Variants in CUL1 observed in about 807,000 individuals in gnomAD.
CUL1 encodes the protein cullin 1, also known as cullin-1.
In CUL1, 24 loss-of-function variants were observed where a neutral mutation model predicts 118.0. That is an observed-to-expected ratio of 0.20 (90% CI 0.15 to 0.29). CUL1 has a LOEUF of 0.29. Among genes scored for constraint, CUL1 ranks in the 10% least tolerant of loss-of-function variants. The probability of loss-of-function intolerance (pLI) is 1.00; values close to 1 mark genes in which losing one functional copy is unlikely to be tolerated. For missense variants in CUL1, 361 were observed against 933.8 expected (o/e 0.39, Z 7.99); for synonymous variants, 332 against 340.4 (o/e 0.98, Z 0.27).
chr7:148,785,416 T>C (rs1364220755), intron 11 of CUL1, among the ~76,000 whole-genome samples: 1 of 152,020 alleles, frequency 6.6e-6, no homozygotes, highest in Non-Finnish European at 1.5e-5. Context: ...TGGAGTGCAG[T>C]GGCACAATCT....
At chr7:148,778,279 T>C (rs1430047300) in intron 9 of CUL1, among the ~76,000 whole-genome samples, 1 of 152,000 alleles carries the variant, frequency 6.6e-6, no homozygotes, top group Non-Finnish European at 1.5e-5. Flanking sequence ...TAAATGATTT[T>C]TGAGATCTAA....
At chr7:148,788,893 A>G (rs138651453) in intron 14 of CUL1, among the ~76,000 whole-genome samples, 248 of 152,314 alleles carry the variant, frequency 1.6e-3, no homozygotes, top group Middle Eastern at 6.8e-3. Flanking sequence ...TACTGGGGCA[A>G]GGTCACCACC....
intron 2 of CUL1, among the ~76,000 whole-genome samples, chr7:148,730,916 A>G (rs1159315240): frequency 6.6e-6 from 1 of 152,156 alleles, no homozygotes; most frequent in African/African-American, 2.4e-5. Flanking sequence ...CACTCAAGCA[A>G]TCCTCCCATC....
chr7:148,797,384 A>G (rs377346546), intron 17 of CUL1, among the ~76,000 whole-genome samples: 2 of 126,394 alleles, frequency 1.6e-5, no homozygotes, highest in African/African-American at 6.6e-5. Context: ...TTTGAGCACC[A>G]ACATGATGCT....
chr7:148,775,773 C>A (rs1800373364), intron 9 of CUL1, among the ~76,000 whole-genome samples: 1 of 151,716 alleles, frequency 6.6e-6, no homozygotes, highest in Non-Finnish European at 1.5e-5. Flanking sequence ...ATTCGTATGA[C>A]CTTGCCTTAA....
At chr7:148,753,907 G>T (rs546357959) in intron 2 of CUL1, 69 bp from the exon 3 acceptor site, 2 of 1,227,434 alleles carry the variant, frequency 1.6e-6, no homozygotes, top group South Asian at 3.3e-5. Flanking sequence ...TGAAATATAA[G>T]AAAATATGTT....
At chr7:148,759,870 ATTATT>A (rs1032198011) in intron 6 of CUL1, among the ~76,000 whole-genome samples, 66 of 152,270 alleles carry the variant, frequency 4.3e-4, no homozygotes, top group African/African-American at 1.4e-3. Flanking sequence ...AGACATTTTG[ATTATT>A]TTCTTTTCTG....
At chr7:148,745,092 G>T (rs1160373644) in intron 2 of CUL1, among the ~76,000 whole-genome samples, 3 of 151,734 alleles carry the variant, frequency 2.0e-5, no homozygotes, top group Non-Finnish European at 2.9e-5. Flanking sequence ...GATCGTTTCT[G>T]TTGGTCTCTG....
chr7:148,752,797 T>C (rs900019239), intron 2 of CUL1, among the ~76,000 whole-genome samples: 1 of 152,064 alleles, frequency 6.6e-6, no homozygotes, highest in Non-Finnish European at 1.5e-5. Context: ...TACAGGCGCC[T>C]GCCACCACGC....
rs1486845338 is a variant in CUL1 at position 148,766,787 on chromosome 7, GA to G, written c.952+65del. The G allele has an allele frequency of 2.2e-6, 3 of 1,381,052 alleles. No individual in the cohort carries two copies. The African/African-American group carries it at 4.4e-5, about 20-fold the overall frequency. The allele number at this position is 1,381,052 out of a possible 1,614,324, so 85.5% of individuals were successfully genotyped here. ...TATCTGTAGTTTTGATATTGCTTTT[GA>G]TTCTAGACTCTCGAGTCAACGGCAT... is the stretch of plus-strand genomic sequence containing the variant. On this transcript the variant is annotated intron_variant, in intron 8 of 21. Transcript: ENST00000325222.
At chr7:148,723,703 T>G (rs1798469962) in intron 1 of CUL1, among the ~76,000 whole-genome samples, 1 of 149,788 alleles carries the variant, frequency 6.7e-6, no homozygotes, top group Non-Finnish European at 1.5e-5. Flanking sequence ...TGAAGTGAGG[T>G]ATATCATTTT....
intron 2 of CUL1, among the ~76,000 whole-genome samples, chr7:148,753,356 A>G (rs1799553787): frequency 6.6e-6 from 1 of 152,140 alleles, no homozygotes; most frequent in African/African-American, 2.4e-5. Flanking sequence ...CCATCTTCTC[A>G]TTCTCTGCGC....
chr7:148,792,848 C>A, intron 17 of CUL1, 30 bp downstream of exon 17: 1 of 1,514,018 alleles, frequency 6.6e-7, no homozygotes, highest in Non-Finnish European at 9.1e-7. Flanking sequence ...GTTGTTCTAT[C>A]AGCTTGCCGT....
At chr7:148,698,076 G>A (rs1344805274), upstream of CUL1, 4 of 152,246 alleles carry the variant, frequency 2.6e-5, no homozygotes, top group African/African-American at 9.6e-5. Flanking sequence ...TATCTTAGAA[G>A]TGATTTTTAA....
At chr7:148,727,176 A>G (rs1243918716) in intron 1 of CUL1, among the ~76,000 whole-genome samples, 1 of 152,310 alleles carries the variant, frequency 6.6e-6, no homozygotes, top group East Asian at 1.9e-4. Context: ...AAAATCCTGT[A>G]ATTTTCGTAA....
chr7:148,757,561 G>C (rs571995164), intron 4 of CUL1, among the ~76,000 whole-genome samples: 1 of 152,266 alleles, frequency 6.6e-6, no homozygotes, highest in South Asian at 2.1e-4. Context: ...CTGCTTCATG[G>C]AGAGGACCCT....
intron 2 of CUL1, among the ~76,000 whole-genome samples, chr7:148,748,369 T>G (rs560102386): frequency 8.6e-4 from 130 of 151,782 alleles, no homozygotes; most frequent in South Asian, 4.4e-3. Context: ...TTAAGGAAAA[T>G]TCCAACCGAA....
chr7:148,721,724 C>T (rs1798402583), intron 1 of CUL1, among the ~76,000 whole-genome samples: 1 of 150,726 alleles, frequency 6.6e-6, no homozygotes, highest in Non-Finnish European at 1.5e-5. Flanking sequence ...CCTTTGTCAC[C>T]TTTTTTTTTC....
chr7:148,756,402 C>T (rs891695233), intron 3 of CUL1, among the ~76,000 whole-genome samples: 4 of 152,046 alleles, frequency 2.6e-5, no homozygotes, highest in African/African-American at 9.7e-5. Context: ...GTGGTGCGAT[C>T]TTGGCTCACT....
Sources: gnomAD v4.1 joint callset for allele counts (sites outside exome capture counted in the v4.1 genomes callset) on GRCh38, gnomAD v4.1.1 for gene constraint, MANE v1.5 for transcripts, NCBI Gene and HGNC (gene_info 2026-07-23, HGNC 2026-07-21) for gene names.